Variants in DNAJC13 observed in about 807,000 individuals in gnomAD.
DNAJC13 encodes DnaJ heat shock protein family (Hsp40) member C13.
DNAJC13 carries 75 observed loss-of-function variants against 290.5 expected under a neutral mutation model. The ratio of observed to expected loss-of-function variants is 0.26; its 90% confidence interval spans 0.21 to 0.31. DNAJC13 has a LOEUF of 0.31. DNAJC13 is among the 10% of genes least tolerant of loss of function. DNAJC13 has a pLI of 1.00. For missense variants in DNAJC13, 2,260 were observed against 2,674.5 expected (o/e 0.85, Z 3.42); for synonymous variants, 862 against 892.0 (o/e 0.97, Z 0.60).
chr3:132,425,956 C>T (rs1251818681), intron 1 of DNAJC13, among the ~76,000 whole-genome samples: 1 of 152,144 alleles, frequency 6.6e-6, no homozygotes, highest in Non-Finnish European at 1.5e-5. Flanking sequence ...TTGATGTAGG[C>T]TTCTTCTCAC....
Position 132,456,514 on chromosome 3 carries a change from A to C in DNAJC13, c.1113A>C (p.Ala371=), listed in dbSNP as rs1933603385. The part of the protein sequence containing the change: ...FLATPPNGNF[A]DAVFRFNANI... Reference sequence around the variant, plus strand: ...ATCTCTTTACAGATGGCAACTTTGCAGATGCTGTATTCAGGTTCAATGCTA... The same window carrying C: ...ATCTCTTTACAGATGGCAACTTTGCCGATGCTGTATTCAGGTTCAATGCTA... Residue 371 remains alanine (A), a synonymous_variant, in exon 11 of 56, where the codon GCA becomes GCC. Coordinates refer to ENST00000260818, the MANE Select transcript of DNAJC13 (RefSeq NM_015268.4). 4 of 1,613,804 alleles carry C rather than the reference A, an allele frequency of 2.5e-6. No homozygotes were observed. The highest frequency in any genetic ancestry group is 2.5e-6 in the Non-Finnish European group (3 of 1,179,912).
intron 13 of DNAJC13, chr3:132,458,455 C>T (rs912125801): frequency 2.0e-5 from 3 of 151,994 alleles, no homozygotes; most frequent in Middle Eastern, 3.2e-3. Flanking sequence ...GTTCCTATTA[C>T]CCAGGAAATT....
In DNAJC13 at chr3:132,478,921, A is replaced by T. The variant is rs1297286204; in HGVS notation, c.2710-306A>T. ...TCCTTTTACTTCAAGTATCATTTGG[A>T]CCAATTATTTCACTTACATTATTTC... On this transcript the variant is annotated intron_variant, in intron 24 of 55. Transcript: ENST00000260818. Among the ~76,000 whole-genome samples the T allele has an allele frequency of 2.0e-5, 3 of 152,146 alleles. No individual in the cohort carries two copies. In the East Asian group the frequency reaches 5.8e-4, roughly 29 times the overall value.
At chr3:132,477,717 A>C in intron 22 of DNAJC13, 72 bp from the exon 23 acceptor site, 1 of 1,063,532 alleles carries the variant, frequency 9.4e-7, no homozygotes, top group Non-Finnish European at 1.4e-6. Context: ...AAAGAACTAT[A>C]AGAAACAATT....
At chr3:132,521,681 A>G (rs1936094845) in intron 48 of DNAJC13, among the ~76,000 whole-genome samples, 1 of 152,226 alleles carries the variant, frequency 6.6e-6, no homozygotes, top group African/African-American at 2.4e-5. Flanking sequence ...GCTCATGACC[A>G]AGAAGAAGGA....
intron 1 of DNAJC13, among the ~76,000 whole-genome samples, chr3:132,425,760 T>G (rs542891700): frequency 5.3e-5 from 8 of 151,812 alleles, no homozygotes; most frequent in African/African-American, 1.7e-4. Flanking sequence ...GTGTATTTTT[T>G]TCTAAGTGTA....
intron 55 of DNAJC13, chr3:132,537,121 A>G (rs1559919486): frequency 2.2e-6 from 1 of 455,902 alleles, no homozygotes; most frequent in South Asian, 1.5e-5. Context: ...CTTCCTCACA[A>G]CTTCCCTTGC....
chr3:132,507,137 A>G, intron 42 of DNAJC13, 100 bp from the exon 43 acceptor site: 3 of 725,828 alleles, frequency 4.1e-6, no homozygotes, highest in Non-Finnish European at 6.8e-6. Flanking sequence ...TTTTTTCTCT[A>G]GAATATGCAT....
In DNAJC13 at chr3:132,476,469, C is replaced by T. The variant is rs138055066; in HGVS notation, c.2446-1320C>T. On this transcript the variant is annotated intron_variant, in intron 22 of 55. Transcript: ENST00000260818. ...ACAATGTCACTGCTTCTACTCTTGC[C>T]TCCCTGGAATCTGTTATCAACATTG... is the stretch of plus-strand genomic sequence containing the variant. Among the ~76,000 whole-genome samples the T allele has an allele frequency of 1.8e-4, 27 of 152,150 alleles. 2 individuals carry two copies. In the South Asian group the frequency reaches 1.9e-3, roughly 11 times the overall value.
At chr3:132,433,270 C>T (rs1256194155) in intron 1 of DNAJC13, among the ~76,000 whole-genome samples, 1 of 152,186 alleles carries the variant, frequency 6.6e-6, no homozygotes, top group Non-Finnish European at 1.5e-5. Flanking sequence ...CTCACTCTAT[C>T]ACTCAGGCTG....
intron 36 of DNAJC13, among the ~76,000 whole-genome samples, chr3:132,498,061 AAAG>A (rs1285039643): frequency 6.6e-6 from 1 of 152,216 alleles, no homozygotes; most frequent in East Asian, 1.9e-4. Flanking sequence ...TAGATTGAAA[AAAG>A]AAGATGGAAA....
At chr3:132,427,386 A>G (rs970675301) in intron 1 of DNAJC13, among the ~76,000 whole-genome samples, 2 of 151,990 alleles carry the variant, frequency 1.3e-5, no homozygotes, top group Admixed American at 6.6e-5. Context: ...ATCTGCCTGC[A>G]TTGGCCTCCC....
intron 19 of DNAJC13, among the ~76,000 whole-genome samples, chr3:132,466,739 A>G (rs1419858297): frequency 6.6e-6 from 1 of 152,232 alleles, no homozygotes; most frequent in Non-Finnish European, 1.5e-5. Flanking sequence ...TATTTTGCAC[A>G]TATGAGATTG....
chr3:132,480,831 G>T (rs1934643250), intron 26 of DNAJC13, among the ~76,000 whole-genome samples: 1 of 152,162 alleles, frequency 6.6e-6, no homozygotes, highest in African/African-American at 2.4e-5. Context: ...ACACCTTCTT[G>T]ATACCAGCCA....
At position 132,461,055 on chromosome 3, in the gene DNAJC13, T is replaced by A; in HGVS notation, c.1563T>A (p.His521Gln). Residue 521 changes from histidine to glutamine, a missense_variant, in exon 15 of 56, where the codon CAT becomes CAA. By Grantham distance (24) the His-to-Gln change is conservative (BLOSUM62 0). Coordinates refer to ENST00000260818, the MANE Select transcript of DNAJC13 (RefSeq NM_015268.4). ...AATCTGTTGCATTGTTTCAGGATCA[T>A]GGGACTGGTGCCCTAGTTATTAGTT... Reference protein sequence around the residue: ...LLEKFNSHVDHGTGALVISSL... With the variant: ...LLEKFNSHVDQGTGALVISSL... 1 of 1,613,804 alleles carries A rather than the reference T, an allele frequency of 6.2e-7. No individual in the cohort carries two copies. Among genetic ancestry groups the A allele is most frequent in the Non-Finnish European group, 8.5e-7 (1 of 1,179,882 alleles).
At chr3:132,450,167 T>C (rs558584012) in intron 5 of DNAJC13, among the ~76,000 whole-genome samples, 1 of 152,112 alleles carries the variant, frequency 6.6e-6, no homozygotes, top group South Asian at 2.1e-4. Flanking sequence ...TTTTTTTGTA[T>C]GTGGAAATAA....
intron 1 of DNAJC13, among the ~76,000 whole-genome samples, chr3:132,431,925 C>A (rs1000079643): frequency 6.6e-6 from 1 of 151,776 alleles, no homozygotes; most frequent in African/African-American, 2.4e-5. Context: ...GCAAGTGTTC[C>A]GAAAATAGTG....
intron 31 of DNAJC13, among the ~76,000 whole-genome samples, chr3:132,490,418 T>G (rs1157812829): frequency 6.6e-6 from 1 of 152,216 alleles, no homozygotes; most frequent in Non-Finnish European, 1.5e-5. Context: ...ATAATTACTT[T>G]AAGTAGAAAT....
intron 1 of DNAJC13, among the ~76,000 whole-genome samples, chr3:132,427,499 G>A (rs1438425323): frequency 6.6e-6 from 1 of 152,030 alleles, no homozygotes; most frequent in East Asian, 1.9e-4. Context: ...AAATAATAAT[G>A]ACAGTAACAA....
Sources: gnomAD v4.1 joint callset for allele counts (sites outside exome capture counted in the v4.1 genomes callset) on GRCh38, gnomAD v4.1.1 for gene constraint, MANE v1.5 for transcripts, NCBI Gene and HGNC (gene_info 2026-07-23, HGNC 2026-07-21) for gene names.